CACNA1D: variants seen among roughly 807,000 people sequenced by gnomAD.
CACNA1D encodes calcium voltage-gated channel subunit alpha1 D.
A neutral mutation model predicts 257.1 loss-of-function variants in CACNA1D; 55 were observed. The ratio of observed to expected loss-of-function variants is 0.21; its 90% confidence interval spans 0.17 to 0.27. The LOEUF (loss-of-function observed/expected upper bound fraction) is 0.27, where lower values mean the gene tolerates loss of function less well. CACNA1D is among the 10% of genes least tolerant of loss of function. The pLI is 1.00. For missense variants in CACNA1D, 1,876 were observed against 2,784.0 expected (o/e 0.67, Z 7.34); for synonymous variants, 980 against 1,014.9 (o/e 0.97, Z 0.65).
intron 5 of CACNA1D, among the ~76,000 whole-genome samples, chr3:53,661,411 T>C (rs2094202699): frequency 6.6e-6 from 1 of 152,232 alleles, no homozygotes; most frequent in Non-Finnish European, 1.5e-5. Flanking sequence ...AGATGGTTCA[T>C]TTATTTTCAT....
At chr3:53,780,272 T>G in intron 38 of CACNA1D, 144 bp downstream of exon 38, 1 of 710,998 alleles carries the variant, frequency 1.4e-6, no homozygotes, top group Non-Finnish European at 2.5e-6. Flanking sequence ...ATGTCCATGC[T>G]GGGCTTGCCG....
chr3:53,632,425 C>T (rs1181239892), intron 3 of CACNA1D, among the ~76,000 whole-genome samples: 2 of 152,224 alleles, frequency 1.3e-5, no homozygotes, highest in Non-Finnish European at 2.9e-5. Flanking sequence ...TCTGTCCAGA[C>T]CCTTAAAACA....
intron 35 of CACNA1D, 76 bp downstream of exon 35, chr3:53,776,121 G>T (rs2109035148): frequency 7.5e-7 from 1 of 1,336,412 alleles, no homozygotes; most frequent in Non-Finnish European, 1.1e-6. Context: ...AAATGGCCTT[G>T]CCCTGTCCCA....
chr3:53,752,535 G>T (rs558496405), intron 28 of CACNA1D, among the ~76,000 whole-genome samples: 4 of 152,174 alleles, frequency 2.6e-5, no homozygotes, highest in Non-Finnish European at 5.9e-5. Flanking sequence ...GAGTAGCTAC[G>T]ATTACAGGCA....
At chr3:53,724,391 A>G (rs576944809) in intron 14 of CACNA1D, among the ~76,000 whole-genome samples, 2 of 152,338 alleles carry the variant, frequency 1.3e-5, no homozygotes, top group African/African-American at 4.8e-5. Flanking sequence ...AGATTTACAC[A>G]AGAAGTGAAT....
At chr3:53,665,166 A>G (rs1221557195) in intron 5 of CACNA1D, among the ~76,000 whole-genome samples, 1 of 151,632 alleles carries the variant, frequency 6.6e-6, no homozygotes, top group Non-Finnish European at 1.5e-5. Context: ...GGCCTTTTCA[A>G]CTCCCAACAC....
rs1183389331 is a variant in CACNA1D at position 53,751,846 on chromosome 3, C to T, written c.3614C>T (p.Ser1205Leu). 6.2e-7 allele frequency: 1 copy of T among 1,614,100 alleles called. No individual in the cohort carries two copies. The highest frequency in any genetic ancestry group is 8.5e-7 in the Non-Finnish European group (1 of 1,179,982). Reference protein sequence around the residue: ...QYKFWYVVNSSPFEYMMFVLI... With the variant: ...QYKFWYVVNSLPFEYMMFVLI... ...AAGTTCTGGTACGTGGTGAACTCTT[C>T]GCCTTTCGAATACATGATGTTTGTC... is the stretch of plus-strand genomic sequence containing the variant. Residue 1205 changes from serine (S) to leucine (L), a missense_variant, in exon 28 of 48, where the codon TCG becomes TTG. By Grantham distance (145) the Ser-to-Leu change is moderately radical (BLOSUM62 -2). This residue lies in a region of CACNA1D where 204 missense variants were observed against 309.4 expected (regional missense o/e 0.66). Coordinates refer to ENST00000350061, the MANE Select transcript of CACNA1D (RefSeq NM_001128840.3). This position sits in a 1 kb window ranked among gnomAD's most constrained non-coding sequence, Gnocchi z 4.3.
chr3:53,668,699 A>G (rs1325917957), intron 7 of CACNA1D, among the ~76,000 whole-genome samples: 2 of 152,224 alleles, frequency 1.3e-5, no homozygotes, highest in Non-Finnish European at 2.9e-5. Context: ...GGGCAAATAG[A>G]AAATGTATTT....
At chr3:53,764,586 A>T (rs532599370) in intron 30 of CACNA1D, among the ~76,000 whole-genome samples, 2 of 152,314 alleles carry the variant, frequency 1.3e-5, no homozygotes, top group East Asian at 3.9e-4. Flanking sequence ...GCTGGCTGGC[A>T]GGGGTGTAGC....
chr3:53,712,610 C>A lies in CACNA1D; in HGVS notation c.1391-5691C>A, dbSNP rs1016932177. On this transcript the variant is annotated intron_variant, in intron 9 of 47. Coordinates refer to ENST00000350061, the MANE Select transcript of CACNA1D (RefSeq NM_001128840.3). ...ACGTCATGGTACTGCTCATGTTTGT[C>A]ATGAAAATAAGATGAAAACATGAGG... is the stretch of plus-strand genomic sequence containing the variant. Among the ~76,000 whole-genome samples the A allele has an allele frequency of 2.0e-5, 3 of 152,182 alleles. No homozygotes were observed. The South Asian group carries it at 6.2e-4, about 32-fold the overall frequency.
chr3:53,745,374 G>A (rs1023778827), intron 23 of CACNA1D, among the ~76,000 whole-genome samples: 1 of 151,954 alleles, frequency 6.6e-6, no homozygotes, highest in Non-Finnish European at 1.5e-5. Context: ...CTCAGTAGCT[G>A]GGATTACAGG....
intron 22 of CACNA1D, among the ~76,000 whole-genome samples, chr3:53,744,158 C>G (rs1056804784): frequency 2.0e-5 from 3 of 152,060 alleles, no homozygotes; most frequent in African/African-American, 7.2e-5. Flanking sequence ...CTATTGTCCT[C>G]GCTAACCCCT....
At chr3:53,806,141 T>C (rs2095564221) in intron 45 of CACNA1D, among the ~76,000 whole-genome samples, 1 of 125,174 alleles carries the variant, frequency 8.0e-6, no homozygotes. Context: ...CTCCCTCATC[T>C]ACCCTCCTCC....
rs573558969 is a variant in CACNA1D at position 53,789,693 on chromosome 3, C to G, written c.4923+2741C>G. Among the ~76,000 whole-genome samples the G allele has an allele frequency of 3.7e-4, 56 of 152,216 alleles. No individual in the cohort carries two copies. The highest frequency in any genetic ancestry group is 2.0e-3 in the Admixed American group (30 of 15,284). On this transcript the variant is annotated intron_variant, in intron 40 of 47. Transcript: ENST00000350061. The surrounding 1 kb of genome is among the most constrained non-coding windows in gnomAD (Gnocchi z 4.2). ...AATGGAAAGTGGAGCATGGCCGTCGCAGTGTGAGCGCAGAAGTGCGGACCT... is the reference window on the plus strand; with the variant it reads ...AATGGAAAGTGGAGCATGGCCGTCGGAGTGTGAGCGCAGAAGTGCGGACCT...
chr3:53,666,321 T>A lies in CACNA1D; in HGVS notation c.920-18T>A, dbSNP rs919419309. On this transcript the variant is annotated intron_variant, in intron 6 of 47. Transcript: ENST00000350061. ...TGTTTCTGTCCTGAGCGGTACAGCC[T>A]GTTTGCTCTGTTTGCAGATATCGTA... 6.2e-7 allele frequency: 1 copy of A among 1,611,234 alleles called. No homozygotes were observed. Among genetic ancestry groups the A allele is most frequent in the African/African-American group, 1.3e-5 (1 of 74,954 alleles).
intron 3 of CACNA1D, among the ~76,000 whole-genome samples, chr3:53,557,366 T>G (rs369502579): frequency 6.0e-4 from 92 of 152,136 alleles, no homozygotes; most frequent in African/African-American, 2.1e-3. Flanking sequence ...TGGTGGTGCA[T>G]GCTTGTAATC....
intron 7 of CACNA1D, among the ~76,000 whole-genome samples, chr3:53,669,930 T>C (rs995251600): frequency 2.6e-5 from 4 of 152,354 alleles, no homozygotes; most frequent in South Asian, 2.1e-4. Context: ...GAAATAAACT[T>C]ACATGATTTA....
chr3:53,588,880 C>A (rs1461530339), intron 3 of CACNA1D, among the ~76,000 whole-genome samples: 3 of 152,194 alleles, frequency 2.0e-5, no homozygotes, highest in Non-Finnish European at 2.9e-5. Context: ...ACTGTCTTCT[C>A]AAGTACAAGA....
chr3:53,507,082 A>C (rs533500156), intron 3 of CACNA1D, among the ~76,000 whole-genome samples: 156 of 150,562 alleles, frequency 1.0e-3, no homozygotes, highest in African/African-American at 3.5e-3. Flanking sequence ...CAAAAAAAAA[A>C]AAAAAAAAAA....
Sources: gnomAD v4.1 joint callset for allele counts (sites outside exome capture counted in the v4.1 genomes callset) on GRCh38, gnomAD v4.1.1 for gene constraint, gnomAD v4.1.1 regional missense constraint, Gnocchi (gnomAD v3.1) non-coding constraint, MANE v1.5 for transcripts, NCBI Gene and HGNC (gene_info 2026-07-23, HGNC 2026-07-21) for gene names.